The following TMEM179B variants were observed in gnomAD, a reference collection of about 807,000 sequenced individuals.
TMEM179B encodes transmembrane protein 179B.
In TMEM179B, 13 loss-of-function variants were observed where a neutral mutation model predicts 18.0. The observed-to-expected ratio is 0.72, with a 90% CI of 0.47 to 1.15. The LOEUF (loss-of-function observed/expected upper bound fraction) is 1.15. Ranked by LOEUF, TMEM179B falls within the 50% of genes most tolerant of loss-of-function variation. The pLI, the probability that TMEM179B is intolerant of heterozygous loss-of-function variation, is 0.00. For missense variants in TMEM179B, 320 were observed against 270.6 expected, an observed-to-expected ratio of 1.18 and a Z score of -1.28; for synonymous variants, 159 against 117.5, an observed-to-expected ratio of 1.35 and a Z score of -2.29.
In TMEM179B at chr11:62,790,358, G is replaced by A. The variant is rs903154680; in HGVS notation, c.*311G>A. On this transcript the variant is annotated 3_prime_UTR_variant, in exon 5 of 5. Coordinates refer to ENST00000333449, the MANE Select transcript of TMEM179B (RefSeq NM_199337.3). Reference sequence around the variant, plus strand: ...TTAGGCAGCTGCCCTAGGGATGACTGCTCCTTTATTTGTTGTTAATGAATC... The same window carrying A: ...TTAGGCAGCTGCCCTAGGGATGACTACTCCTTTATTTGTTGTTAATGAATC... 1 of 546,992 alleles carries A rather than the reference G, an allele frequency of 1.8e-6. No homozygotes were observed. The highest frequency in any genetic ancestry group is 3.2e-6 in the Non-Finnish European group (1 of 313,238). The allele number at this position is 546,992 out of a possible 1,614,324, so 33.9% of individuals were successfully genotyped here.
intron 1 of TMEM179B, among the ~76,000 whole-genome samples, chr11:62,788,384 C>G (rs564566898): frequency 6.8e-6 from 1 of 147,644 alleles, no homozygotes; most frequent in African/African-American, 2.5e-5. Context: ...GCCTGGGTGA[C>G]GAGCGAATCT....
intron 1 of TMEM179B, chr11:62,787,861 A>T: frequency 3.3e-6 from 2 of 611,544 alleles, no homozygotes; most frequent in South Asian, 3.0e-5. Context: ...CCATCCGTTA[A>T]ATCAGAAGCC....
Position 62,790,360 on chromosome 11 carries a change from T to C in TMEM179B, c.*313T>C, listed in dbSNP as rs2084345752. On this transcript the variant is annotated 3_prime_UTR_variant, in exon 5 of 5. Coordinates refer to ENST00000333449, the MANE Select transcript of TMEM179B (RefSeq NM_199337.3). ...AGGCAGCTGCCCTAGGGATGACTGC[T>C]CCTTTATTTGTTGTTAATGAATCTT... 2 of 545,476 alleles carry C rather than the reference T, an allele frequency of 3.7e-6. No homozygotes were observed. Among genetic ancestry groups the C allele is most frequent in the Non-Finnish European group, 6.4e-6 (2 of 312,318 alleles). The allele number at this position is 545,476 out of a possible 1,614,324, so 33.8% of individuals were successfully genotyped here.
At chr11:62,789,242 AG>A in intron 2 of TMEM179B, 32 bp downstream of exon 2, 1 of 1,613,844 alleles carries the variant, frequency 6.2e-7, no homozygotes, top group Non-Finnish European at 8.5e-7. Flanking sequence ...CCAGGGGCTG[AG>A]GTAGGATGAG....
Position 62,787,507 on chromosome 11 carries a change from G to C in TMEM179B, c.76G>C (p.Ala26Pro), listed in dbSNP as rs535599426. 5.7e-6 allele frequency: 9 copies of C among 1,577,008 alleles called. No individual in the cohort carries two copies. The South Asian group carries it at 1.0e-4, about 18-fold the overall frequency. Residue 26 changes from alanine (A) to proline (P), a missense_variant, in exon 1 of 5, where the codon GCG (alanine) becomes CCG (proline). Transcript: ENST00000333449. ...CTTCCTGTGCGGGGCCGTGGCGGCC[G>C]CGGCGATGACTCGGACCCAGGTGCG... ...AAFLCGAVAA[A>P]AMTRTQGSFS...
chr11:62,789,164 C>G lies in TMEM179B; in HGVS notation c.238C>G (p.Leu80Val), dbSNP rs779117405. 3.1e-6 allele frequency: 5 copies of G among 1,614,066 alleles called. No individual in the cohort carries two copies. In the South Asian group the frequency reaches 4.4e-5, roughly 14 times the overall value. ...CCTCTTGGCCCTCTACTGCCTCCTG[C>G]TTTTGCTCTTCTGGATCTACAGCAG... Reference protein sequence around the residue: ...SGLLALYCLLLLLFWIYSSCI... With the variant: ...SGLLALYCLLVLLFWIYSSCI... Residue 80 changes from leucine (L) to valine (V), a missense_variant, in exon 2 of 5, where the codon CTT (leucine) becomes GTT (valine). Physicochemically the swap from Leu to Val is conservative, Grantham distance 32. Transcript: ENST00000333449.
chr11:62,788,582 T>C (rs982724894), intron 1 of TMEM179B, among the ~76,000 whole-genome samples: 1 of 149,844 alleles, frequency 6.7e-6, no homozygotes, highest in African/African-American at 2.5e-5. Flanking sequence ...CGGGTGCCTG[T>C]AGTCCCAGCT....
intron 1 of TMEM179B, among the ~76,000 whole-genome samples, chr11:62,788,400 G>GCAAAAA (rs540874469): frequency 1.3e-3 from 187 of 147,626 alleles, no homozygotes; most frequent in African/African-American, 3.6e-3. Flanking sequence ...AATCTCCATC[G>GCAAAAA]CAAAAACAAA....
At chr11:62,787,561 G>C (rs1165076043) in intron 1 of TMEM179B, 34 bp downstream of exon 1, 1 of 1,510,274 alleles carries the variant, frequency 6.6e-7, no homozygotes, top group Non-Finnish European at 8.8e-7. Context: ...GTAGGCGGGG[G>C]AGCTGGCCGG....
At chr11:62,787,650 C>T (rs1314302364) in intron 1 of TMEM179B, 123 bp downstream of exon 1, 42 of 1,257,998 alleles carry the variant, frequency 3.3e-5, no homozygotes, top group Admixed American at 8.5e-5. Flanking sequence ...TGAGGCACGG[C>T]TGGCGCCGGC....
intron 4 of TMEM179B, 90 bp downstream of exon 4, chr11:62,789,769 G>A (rs1460960473): frequency 6.6e-7 from 1 of 1,513,182 alleles, no homozygotes. Flanking sequence ...GCCTACCAGT[G>A]AGAGGAGCTG....
chr11:62,787,455 C>T lies in TMEM179B; in HGVS notation c.24C>T (p.Arg8=), dbSNP rs1457779731. The change falls in exon 1 of 5, where the codon CGC becomes CGT. Residue 8 remains arginine (R), a synonymous_variant. Transcript: ENST00000333449. ...CCATGGCGCTGTCCTGGCTGCAGCG[C>T]GTCGAGCTTGCGCTCTTTGCTGCCG... MALSWLQ[R]VELALFAAAF... is the part of the protein sequence containing the mutation. The T allele has an allele frequency of 5.1e-6, 8 of 1,570,610 alleles. No homozygotes were observed. In the East Asian group the frequency reaches 9.3e-5, roughly 18 times the overall value.
At position 62,789,085 on chromosome 11, in the gene TMEM179B, C is replaced by G; in HGVS notation, c.159C>G (p.Ala53=). Residue 53 remains alanine, a synonymous_variant, in exon 2 of 5, where the codon GCC becomes GCG. Coordinates refer to ENST00000333449, the MANE Select transcript of TMEM179B (RefSeq NM_199337.3). ...CCACCCTGAATGGCTCCTCCCTGGC[C>G]TTATCCCGTCCCTCAGCACCATCCC... ...GVATLNGSSL[A]LSRPSAPSLC... 6.2e-7 allele frequency: 1 copy of G among 1,614,234 alleles called. No homozygotes were observed. The highest frequency in any genetic ancestry group is 1.1e-5 in the South Asian group (1 of 91,084).
In TMEM179B at chr11:62,789,129, G is replaced by T; in HGVS notation, c.203G>T (p.Gly68Val). ...CCATCCCTGTGCTACTTTGTAGCTG[G>T]GGCCTCTGGCCTCTTGGCCCTCTAC... The part of the protein sequence containing the change: ...SAPSLCYFVA[G>V]ASGLLALYCL... The change falls in exon 2 of 5, where the codon GGG becomes GTG. Residue 68 changes from glycine to valine, a missense_variant. Gly to Val is a moderately radical substitution (Grantham distance 109). Coordinates refer to ENST00000333449, the MANE Select transcript of TMEM179B (RefSeq NM_199337.3). The T allele has an allele frequency of 6.2e-7, 1 of 1,614,136 alleles. No individual in the cohort carries two copies. The highest frequency in any genetic ancestry group is 8.5e-7 in the Non-Finnish European group (1 of 1,180,038).
intron 1 of TMEM179B, chr11:62,787,891 G>A: frequency 1.8e-6 from 1 of 550,748 alleles, no homozygotes; most frequent in South Asian, 1.5e-5. Flanking sequence ...GAGCTTTGTC[G>A]AGAAATAAAG....
intron 4 of TMEM179B, 51 bp downstream of exon 4, chr11:62,789,730 T>TA: frequency 6.6e-7 from 1 of 1,518,446 alleles, no homozygotes; most frequent in Non-Finnish European, 8.8e-7. Context: ...TGTAGCTGTG[T>TA]GGGTGCTCAC....
At position 62,789,377 on chromosome 11, in the gene TMEM179B, G is replaced by A; in HGVS notation, c.370G>A (p.Gly124Ser). ...GGTGTCTGCCTGTATCCTTCGATTT[G>A]GCACCAGGTCTCTCTGCAACTCCAT... ...VLVSACILRF[G>S]TRSLCNSIIS... Residue 124 changes from glycine (G) to serine (S), a missense_variant, in exon 3 of 5, where the codon GGC (glycine) becomes AGC (serine). Transcript: ENST00000333449. 6.2e-7 allele frequency: 1 copy of A among 1,613,878 alleles called. No individual in the cohort carries two copies. The highest frequency in any genetic ancestry group is 1.1e-5 in the South Asian group (1 of 91,066).
Position 62,789,176 on chromosome 11 carries a change from T to C in TMEM179B, c.250T>C (p.Trp84Arg). The C allele has an allele frequency of 6.2e-7, 1 of 1,614,178 alleles. No individual in the cohort carries two copies. Among genetic ancestry groups the C allele is most frequent in the Non-Finnish European group, 8.5e-7 (1 of 1,180,020 alleles). Residue 84 changes from tryptophan to arginine, a missense_variant, in exon 2 of 5, where the codon TGG becomes CGG. Coordinates refer to ENST00000333449, the MANE Select transcript of TMEM179B (RefSeq NM_199337.3). Reference protein sequence around the residue: ...ALYCLLLLLFWIYSSCIEDSH... With the variant: ...ALYCLLLLLFRIYSSCIEDSH... ...CTACTGCCTCCTGCTTTTGCTCTTC[T>C]GGATCTACAGCAGCTGCATCGAGGA...
chr11:62,790,143 T>G lies in TMEM179B; in HGVS notation c.*96T>G. On this transcript the variant is annotated 3_prime_UTR_variant, in exon 5 of 5. Coordinates refer to ENST00000333449, the MANE Select transcript of TMEM179B (RefSeq NM_199337.3). ...CCTGTTTATGTTGGGAGTCTTAGTT[T>G]TCCTTTCGTTGGGGGGTGGGGGGGA... 7.3e-7 allele frequency: 1 copy of G among 1,378,646 alleles called. No individual in the cohort carries two copies. The highest frequency in any genetic ancestry group is 9.6e-7 in the Non-Finnish European group (1 of 1,046,012). The allele number at this position is 1,378,646 out of a possible 1,614,324, so 85.4% of individuals were successfully genotyped here. A position where few individuals can be genotyped will look rare whatever the true frequency, so the allele number is the denominator to read the frequency against.
Sources: allele counts gnomAD v4.1 joint callset (sites outside exome capture counted in the v4.1 genomes callset), GRCh38; gene constraint gnomAD v4.1.1; transcripts MANE v1.5; gene names NCBI Gene and HGNC (gene_info 2026-07-23, HGNC 2026-07-21).